Variants in RFX1 observed in about 807,000 individuals in gnomAD.
The protein encoded by RFX1 is regulatory factor X1.
RFX1 carries 42 observed loss-of-function variants against 119.6 expected under a neutral mutation model. That is an observed-to-expected ratio of 0.35 (90% CI 0.27 to 0.45). RFX1 has a LOEUF of 0.45. RFX1 is among the 20% of genes least tolerant of loss of function. The probability of loss-of-function intolerance (pLI) is 1.00; values close to 1 mark genes in which losing one functional copy is unlikely to be tolerated. For missense variants in RFX1, 1,118 were observed against 1,368.1 expected, an observed-to-expected ratio of 0.82 and a Z score of 2.88; for synonymous variants, 628 against 618.5, an observed-to-expected ratio of 1.02 and a Z score of -0.23.
At position 13,969,114 on chromosome 19, in the gene RFX1, T is replaced by C. The variant is rs1973995730; in HGVS notation, c.1497-220A>G. On this transcript the variant is annotated intron_variant, in intron 10 of 20. Coordinates refer to ENST00000254325, the MANE Select transcript of RFX1 (RefSeq NM_002918.5). This position sits in a 1 kb window ranked among gnomAD's most constrained non-coding sequence, Gnocchi z 4.5. ...GATTATGCATAAATGAATGGCTGAATGGATGAATGGCTGAACGAGGTGACG... is the reference window on the plus strand; with the variant it reads ...GATTATGCATAAATGAATGGCTGAACGGATGAATGGCTGAACGAGGTGACG... 6.6e-6 allele frequency among the ~76,000 whole-genome samples: 1 copy of C among 152,108 alleles called. No individual in the cohort carries two copies. Among genetic ancestry groups the C allele is most frequent in the African/African-American group, 2.4e-5 (1 of 41,406 alleles).
rs776576403 is a variant in RFX1 at position 13,980,546 on chromosome 19, G to A, written c.738+27C>T. The A allele has an allele frequency of 3.6e-5, 52 of 1,440,640 alleles. No homozygotes were observed. The highest frequency in any genetic ancestry group is 4.6e-5 in the Non-Finnish European group (49 of 1,057,278). The allele number at this position is 1,440,640 out of a possible 1,614,324, so 89.2% of individuals were successfully genotyped here. A position where few individuals can be genotyped will look rare whatever the true frequency, so the allele number is the denominator to read the frequency against. ...GCTGCCTGGCCGGTACCCCTGGACC[G>A]AGCCACTGCCCGCCTTGGCCTGGCA... On this transcript the variant is annotated intron_variant, in intron 6 of 20. Coordinates refer to ENST00000254325, the MANE Select transcript of RFX1 (RefSeq NM_002918.5). This position sits in a 1 kb window ranked among gnomAD's most constrained non-coding sequence, Gnocchi z 5.1.
rs1035775852 is a variant in RFX1 at position 13,965,349 on chromosome 19, T to C, written c.2211+100A>G. 13 of 1,041,022 alleles carry C rather than the reference T, an allele frequency of 1.2e-5. No homozygotes were observed. Among genetic ancestry groups the C allele is most frequent in the South Asian group, 5.8e-5 (4 of 69,320 alleles). The allele number at this position is 1,041,022 out of a possible 1,614,324, so 64.5% of individuals were successfully genotyped here. A position where few individuals can be genotyped will look rare whatever the true frequency, so the allele number is the denominator to read the frequency against. The stretch of plus-strand genomic sequence containing the variant: ...CCCCTTCCTCCACAGGCATCATCCC[T>C]GGAACAGGCGTGGGGACAAATTTTA... On this transcript the variant is annotated intron_variant, in intron 16 of 20. Transcript: ENST00000254325. This position sits in a 1 kb window ranked among gnomAD's most constrained non-coding sequence, Gnocchi z 4.7.
At position 13,983,558 on chromosome 19, in the gene RFX1, G is replaced by C. The variant is rs1028875348; in HGVS notation, c.357C>G (p.Ala119=). 6.2e-7 allele frequency: 1 copy of C among 1,610,610 alleles called. No individual in the cohort carries two copies. Among genetic ancestry groups the C allele is most frequent in the Non-Finnish European group, 8.5e-7 (1 of 1,179,400 alleles). Residue 119 remains alanine (A), a synonymous_variant, in exon 3 of 21, where the codon GCC becomes GCG. Transcript: ENST00000254325. ...TCTGGCTGGCGGTGGAGCCGGGGCT[G>C]GCCTCCGACACTGTCTCGCTGGCCC... is the stretch of plus-strand genomic sequence containing the variant. ...AMRASETVSE[A]SPGSTASQTG...
At chr19:13,993,151 C>T (rs565762274) in intron 2 of RFX1, among the ~76,000 whole-genome samples, 1 of 152,056 alleles carries the variant, frequency 6.6e-6, no homozygotes, top group South Asian at 2.1e-4. Flanking sequence ...AAAAATTAGC[C>T]AGGCATGGTG....
Position 13,962,705 on chromosome 19 carries a change from G to A in RFX1, c.2930C>T (p.Pro977Leu). 2 of 1,527,412 alleles carry A rather than the reference G, an allele frequency of 1.3e-6. No individual in the cohort carries two copies. Among genetic ancestry groups the A allele is most frequent in the Non-Finnish European group, 8.7e-7 (1 of 1,143,324 alleles). 94.6% of individuals were successfully genotyped at this position (1,527,412 alleles called of 1,614,324 possible). A position where few individuals can be genotyped will look rare whatever the true frequency, so the allele number is the denominator to read the frequency against. Residue 977 changes from proline (P) to leucine (L), a missense_variant, in exon 21 of 21, where the codon CCC becomes CTC. By Grantham distance (98) the Pro-to-Leu change is moderately conservative. Transcript: ENST00000254325. ...DARGLFVQALPSS is the reference protein window; with the variant it reads ...DARGLFVQALLSS ...GGGGAGGCCAAGGGCTTAGCTGGAG[G>A]GCAGCGCCTGCACGAAGAGGCCGCG...
At chr19:13,972,701 A>C (rs1438250813) in intron 9 of RFX1, 42 bp downstream of exon 9, 2 of 1,500,560 alleles carry the variant, frequency 1.3e-6, no homozygotes, top group Non-Finnish European at 1.8e-6. Flanking sequence ...CCCACCACCC[A>C]CCACTGCCTG....
At position 13,968,998 on chromosome 19, in the gene RFX1, TAGAG is replaced by T. The variant is rs1215141368; in HGVS notation, c.1497-108_1497-105del. ...GTCTCCTCTCTGTTAGGAGAATGGA[TAGAG>T]AGACGCCTGCCCTGCAGAGACGGGG... On this transcript the variant is annotated intron_variant, in intron 10 of 20. Transcript: ENST00000254325. The surrounding 1 kb of genome is among the most constrained non-coding windows in gnomAD (Gnocchi z 5.5). The T allele has an allele frequency of 7.7e-7, 1 of 1,296,612 alleles. No homozygotes were observed. The highest frequency in any genetic ancestry group is 1.1e-6 in the Non-Finnish European group (1 of 950,166). 80.3% of individuals were successfully genotyped at this position (1,296,612 alleles called of 1,614,324 possible).
At chr19:14,005,749 C>T (rs1380470878) in intron 1 of RFX1, among the ~76,000 whole-genome samples, 1 of 144,914 alleles carries the variant, frequency 6.9e-6, no homozygotes, top group Non-Finnish European at 1.5e-5. Flanking sequence ...CCCTCCTGGT[C>T]CCGCCCACCC....
chr19:13,963,642 C>T lies in RFX1; in HGVS notation c.2466G>A (p.Ala822=). Residue 822 remains alanine, a synonymous_variant, in exon 18 of 21, where the codon GCG becomes GCA. Coordinates refer to ENST00000254325, the MANE Select transcript of RFX1 (RefSeq NM_002918.5). The stretch of plus-strand genomic sequence containing the variant: ...GGCTCACCACGCCGTCCAGCCAGGC[C>T]GCCCACTGCTCCAGCGAGTTCTGCT... ...LQQQNSLEQW[A]AWLDGVVSQV... 1 of 1,602,088 alleles carries T rather than the reference C, an allele frequency of 6.2e-7. No individual in the cohort carries two copies. Among genetic ancestry groups the T allele is most frequent in the Non-Finnish European group, 8.5e-7 (1 of 1,177,594 alleles).
intron 9 of RFX1, among the ~76,000 whole-genome samples, chr19:13,971,869 G>A (rs1469861582): frequency 2.0e-5 from 3 of 152,096 alleles, no homozygotes; most frequent in African/African-American, 2.4e-5. Context: ...TTAGCTGAGC[G>A]TGGTGGCACG....
At chr19:13,993,043 G>A (rs1269275121) in intron 2 of RFX1, among the ~76,000 whole-genome samples, 2 of 152,192 alleles carry the variant, frequency 1.3e-5, no homozygotes, top group South Asian at 2.1e-4. Context: ...AGGAGACCGA[G>A]GTGGGAGGAT....
At chr19:13,995,380 G>C (rs1373081769) in intron 1 of RFX1, among the ~76,000 whole-genome samples, 1 of 152,120 alleles carries the variant, frequency 6.6e-6, no homozygotes, top group African/African-American at 2.4e-5. Context: ...AAAAGCCCCT[G>C]TGAGCTGCAT....
Position 13,985,395 on chromosome 19 carries a change from T to C in RFX1, c.320-1800A>G, listed in dbSNP as rs1974560159. On this transcript the variant is annotated intron_variant, in intron 2 of 20. Coordinates refer to ENST00000254325, the MANE Select transcript of RFX1 (RefSeq NM_002918.5). The surrounding 1 kb of genome is among the most constrained non-coding windows in gnomAD (Gnocchi z 4.3). ...TTTTGCCATGTTGGCCAGGCTGCTC[T>C]TGAACTCCTGGCTTCAAGTGATCCG... 6.6e-6 allele frequency among the ~76,000 whole-genome samples: 1 copy of C among 152,236 alleles called. No homozygotes were observed. The highest frequency in any genetic ancestry group is 1.9e-4 in the East Asian group (1 of 5,190).
chr19:14,006,374 G>GA (rs1975383066), upstream of RFX1: 1 of 152,304 alleles, frequency 6.6e-6, no homozygotes, highest in African/African-American at 2.4e-5. Context: ...GGGGTGATTG[G>GA]CGGCGGCCGG....
chr19:13,994,477 A>C (rs1454637530), intron 1 of RFX1, among the ~76,000 whole-genome samples: 1 of 151,996 alleles, frequency 6.6e-6, no homozygotes, highest in Non-Finnish European at 1.5e-5. Context: ...GCACTTTGGG[A>C]GGCCGAGGTG....
chr19:13,979,081 T>C (rs961590078), intron 7 of RFX1, among the ~76,000 whole-genome samples: 3 of 151,418 alleles, frequency 2.0e-5, no homozygotes, highest in Non-Finnish European at 4.4e-5. Context: ...GCCTGAGCTC[T>C]GGAGGACAAA....
intron 6 of RFX1, 73 bp from the exon 7 acceptor site, chr19:13,979,615 T>C: frequency 9.5e-7 from 1 of 1,057,946 alleles, no homozygotes; most frequent in Non-Finnish European, 1.4e-6. Context: ...CCTGCACAGG[T>C]GAGCTTCTGT....
At position 13,990,820 on chromosome 19, in the gene RFX1, GAA is replaced by G. The variant is rs76722725; in HGVS notation, c.319+2703_319+2704del. On this transcript the variant is annotated intron_variant, in intron 2 of 20. Transcript: ENST00000254325. This position sits in a 1 kb window ranked among gnomAD's most constrained non-coding sequence, Gnocchi z 4.1. ...TGTCAGAGCGAGACTTTGTCTCAAA[GAA>G]AAAAAAAAAAATTACCTGGGTGTGG... 7.6e-6 allele frequency among the ~76,000 whole-genome samples: 1 copy of G among 131,644 alleles called. No individual in the cohort carries two copies. The highest frequency in any genetic ancestry group is 2.4e-4 in the South Asian group (1 of 4,228). 86.4% of individuals were successfully genotyped at this position (131,644 alleles called of 152,430 possible).
intron 1 of RFX1, among the ~76,000 whole-genome samples, chr19:14,005,358 GA>G (rs1975337621): frequency 6.6e-6 from 1 of 152,210 alleles, no homozygotes; most frequent in Non-Finnish European, 1.5e-5. Context: ...TCCTCCCAGA[GA>G]GAAGGTGGCA....
Sources: allele counts gnomAD v4.1 joint callset (sites outside exome capture counted in the v4.1 genomes callset), GRCh38; gene constraint gnomAD v4.1.1; non-coding constraint Gnocchi (gnomAD v3.1); transcripts MANE v1.5; gene names NCBI Gene and HGNC (gene_info 2026-07-23, HGNC 2026-07-21).